The following NDUFAF6 variants were observed in gnomAD, a reference collection of about 807,000 sequenced individuals.
NDUFAF6 encodes the protein NADH dehydrogenase (ubiquinone) complex I, assembly factor 6.
A neutral mutation model predicts 40.8 loss-of-function variants in NDUFAF6; 45 were observed. The observed-to-expected ratio is 1.10, with a 90% CI of 0.87 to 1.42. The LOEUF is 1.42. NDUFAF6 is among the 40% of genes most tolerant of loss of function. The pLI, the probability that NDUFAF6 is intolerant of heterozygous loss-of-function variation, is 0.00. For synonymous variants in NDUFAF6, 185 were observed against 155.9 expected, an observed-to-expected ratio of 1.19 and a Z score of -1.39; for missense variants, 435 against 418.5, an observed-to-expected ratio of 1.04 and a Z score of -0.34.
At chr8:94,912,316 G>A (rs547497355) in intron 1 of NDUFAF6, among the ~76,000 whole-genome samples, 2 of 152,106 alleles carry the variant, frequency 1.3e-5, no homozygotes, top group African/African-American at 2.4e-5. Context: ...CCATCTTTGC[G>A]GCCTGATGAG....
chr8:94,992,315 C>A (rs1826231444), intron 2 of NDUFAF6, among the ~76,000 whole-genome samples: 2 of 152,084 alleles, frequency 1.3e-5, no homozygotes, highest in Non-Finnish European at 2.9e-5. Context: ...GGTGAAACCC[C>A]ATGTCTACTA....
chr8:95,042,188 T>C (rs560186172), intron 4 of NDUFAF6, among the ~76,000 whole-genome samples: 177 of 152,332 alleles, frequency 1.2e-3, no homozygotes, highest in African/African-American at 4.0e-3. Flanking sequence ...AATCCTGTAC[T>C]AAATTCTTAG....
At chr8:95,040,960 G>A (rs1182728754) in intron 3 of NDUFAF6, 1 of 152,312 alleles carries the variant, frequency 6.6e-6, no homozygotes, top group African/African-American at 2.4e-5. Context: ...GTCTTTACTT[G>A]CTAAGGTAAC....
At chr8:94,946,365 T>C (rs891550086) in intron 2 of NDUFAF6, among the ~76,000 whole-genome samples, 1 of 152,018 alleles carries the variant, frequency 6.6e-6, no homozygotes, top group Admixed American at 6.5e-5. Flanking sequence ...TTTGTCACTT[T>C]TAAGACAGCC....
intron 9 of NDUFAF6, chr8:95,069,372 A>G (rs1033092309): frequency 6.6e-6 from 1 of 151,962 alleles, no homozygotes; most frequent in Non-Finnish European, 1.5e-5. Flanking sequence ...GGGGGGTAAG[A>G]GTTGCATTAT....
intron 2 of NDUFAF6, among the ~76,000 whole-genome samples, chr8:94,991,873 T>TAG (rs1278707241): frequency 6.6e-6 from 1 of 151,238 alleles, no homozygotes; most frequent in Non-Finnish European, 1.5e-5. Context: ...TAACCATTCT[T>TAG]TATCGGAAGA....
intron 2 of NDUFAF6, among the ~76,000 whole-genome samples, chr8:95,004,832 C>A (rs1426693301): frequency 1.3e-5 from 2 of 152,172 alleles, no homozygotes; most frequent in East Asian, 3.8e-4. Flanking sequence ...CCCACATGAT[C>A]CATCTGTTCT....
intron 2 of NDUFAF6, among the ~76,000 whole-genome samples, chr8:95,094,699 G>A (rs1029029922): frequency 6.0e-5 from 9 of 150,910 alleles, no homozygotes; most frequent in Non-Finnish European, 8.9e-5. Context: ...ACAGGCGTGG[G>A]CCTCTGCGTC....
upstream of NDUFAF6, among the ~76,000 whole-genome samples, chr8:95,024,141 CCAGA>C (rs544643801): frequency 9.9e-5 from 15 of 152,196 alleles, no homozygotes; most frequent in Non-Finnish European, 1.6e-4. Flanking sequence ...CCTTGGAGGC[CCAGA>C]CAAGCAGGCT....
At chr8:94,972,735 T>TAAAAAAAAAAAA (rs558408157) in intron 1 of NDUFAF6, among the ~76,000 whole-genome samples, 10 of 132,736 alleles carry the variant, frequency 7.5e-5, no homozygotes, top group Non-Finnish European at 1.6e-4. Flanking sequence ...TACTGAAACT[T>TAAAAAAAAAAAA]AAAAAAAAAA....
At chr8:95,056,503 A>G (rs903594015) in intron 8 of NDUFAF6, among the ~76,000 whole-genome samples, 7 of 151,908 alleles carry the variant, frequency 4.6e-5, no homozygotes, top group African/African-American at 1.7e-4. Context: ...GTGAGCCACC[A>G]CGCGTGGTCT....
At chr8:95,060,207 T>C (rs1832538011), downstream of NDUFAF6, among the ~76,000 whole-genome samples, 1 of 152,216 alleles carries the variant, frequency 6.6e-6, no homozygotes, top group Admixed American at 6.5e-5. Flanking sequence ...CAGTGAAATT[T>C]ACTGTACTAT....
intron 1 of NDUFAF6, among the ~76,000 whole-genome samples, chr8:94,972,485 C>T (rs530103630): frequency 3.9e-5 from 6 of 152,212 alleles, no homozygotes; most frequent in East Asian, 1.9e-4. Flanking sequence ...GTGATCTGCC[C>T]GCCTCAACCT....
intron 3 of NDUFAF6, among the ~76,000 whole-genome samples, chr8:95,037,732 T>A (rs1829670484): frequency 6.6e-6 from 1 of 152,226 alleles, no homozygotes; most frequent in Admixed American, 6.5e-5. Context: ...AGAGTCTTAG[T>A]TGAAGTATAG....
At chr8:95,109,183 G>T (rs1809924692) in intron 4 of NDUFAF6, among the ~76,000 whole-genome samples, 1 of 152,272 alleles carries the variant, frequency 6.6e-6, no homozygotes, top group Non-Finnish European at 1.5e-5. Context: ...CAGCTCACTT[G>T]TTAAAAATGT....
In NDUFAF6 at chr8:94,992,751, A is replaced by T. The variant is rs1212122058; in HGVS notation, c.-84+11778A>T. 2.6e-5 allele frequency among the ~76,000 whole-genome samples: 4 copies of T among 152,172 alleles called. No homozygotes were observed. The East Asian group carries it at 7.7e-4, about 29-fold the overall frequency. Reference sequence around the variant, plus strand: ...TTCCTTTGGTGTTCATGACGCAAACATTCTTTTGGTTCGCTCATAATTCTC... The same window carrying T: ...TTCCTTTGGTGTTCATGACGCAAACTTTCTTTTGGTTCGCTCATAATTCTC... On this transcript the variant is annotated intron_variant, in intron 2 of 9. Transcript: ENST00000396111.
chr8:95,036,381 C>T (rs913708902), intron 3 of NDUFAF6: 1 of 1,289,416 alleles, frequency 7.8e-7, no homozygotes, highest in Non-Finnish European at 1.0e-6. Context: ...GTCTGCACAC[C>T]AGCAGAGGCA....
intron 2 of NDUFAF6, among the ~76,000 whole-genome samples, chr8:95,094,390 TCTTTTCTTTCTTTTTTTTTTTTTTGGA>T (rs1563865604): frequency 2.2e-4 from 7 of 32,204 alleles, no homozygotes; most frequent in East Asian, 1.9e-3. Flanking sequence ...TTCTTTCTTT[TCTTTTCTTTCTTTTTTTTTTTTTTGGA>T]TTTTTTTTTT....
At chr8:95,050,357 G>A (rs535299763) in intron 7 of NDUFAF6, among the ~76,000 whole-genome samples, 1 of 152,332 alleles carries the variant, frequency 6.6e-6, no homozygotes, top group South Asian at 2.1e-4. Context: ...GTTTGGAATG[G>A]TGGATTGAAG....
Sources: allele counts gnomAD v4.1 joint callset (sites outside exome capture counted in the v4.1 genomes callset), GRCh38; gene constraint gnomAD v4.1.1; transcripts MANE v1.5; gene names NCBI Gene and HGNC (gene_info 2026-07-23, HGNC 2026-07-21).